The following CRISP1 variants were observed in gnomAD, a reference collection of about 807,000 sequenced individuals.
CRISP1 encodes cysteine-rich secretory protein 1.
In CRISP1, 44 loss-of-function variants were observed where a neutral mutation model predicts 33.1. The observed-to-expected ratio is 1.33, with a 90% CI of 1.05 to 1.71. The LOEUF (loss-of-function observed/expected upper bound fraction) is 1.71, where lower values mean the gene tolerates loss of function less well. CRISP1 is among the 40% of genes most tolerant of loss of function. CRISP1 has a pLI of 0.00. For synonymous variants in CRISP1, 103 were observed against 98.7 expected, an observed-to-expected ratio of 1.04 and a Z score of -0.26; for missense variants, 390 against 301.2, an observed-to-expected ratio of 1.29 and a Z score of -2.18.
intron 3 of CRISP1, among the ~76,000 whole-genome samples, chr6:49,849,343 C>T (rs534186273): frequency 1.3e-5 from 2 of 152,278 alleles, no homozygotes; most frequent in African/African-American, 4.8e-5. Context: ...CACACCTGGT[C>T]AAGGAGACAC....
At chr6:49,870,940 A>C (rs1201652783), upstream of CRISP1, among the ~76,000 whole-genome samples, 3 of 152,130 alleles carry the variant, frequency 2.0e-5, no homozygotes, top group South Asian at 2.1e-4. Context: ...ATGCCTACTA[A>C]AAATACAAAA....
chr6:49,844,401 G>A (rs1429516065), intron 5 of CRISP1, among the ~76,000 whole-genome samples: 1 of 152,144 alleles, frequency 6.6e-6, no homozygotes, highest in Non-Finnish European at 1.5e-5. Flanking sequence ...CAAGAAAAGG[G>A]AAGAATGACT....
intron 7 of CRISP1, among the ~76,000 whole-genome samples, chr6:49,837,459 C>T (rs1326010615): frequency 4.7e-5 from 7 of 149,532 alleles, no homozygotes; most frequent in South Asian, 2.1e-4. Flanking sequence ...TTTTTTTTCC[C>T]GGTGGGGAGG....
Position 49,848,194 on chromosome 6 carries a change from T to C in CRISP1, c.286+15A>G, listed in dbSNP as rs1358064788. ...TTTTTTAGTCCAAAGGCGGGTCATA[T>C]AGATACACACTTACTTGGAAGTCTC... On this transcript the variant is annotated intron_variant, in intron 4 of 7. Coordinates refer to ENST00000335847, the MANE Select transcript of CRISP1 (RefSeq NM_001131.3). The C allele has an allele frequency of 6.8e-7, 1 of 1,478,676 alleles. No individual in the cohort carries two copies. The highest frequency in any genetic ancestry group is 2.1e-5 in the Admixed American group (1 of 48,702). 91.6% of individuals were successfully genotyped at this position (1,478,676 alleles called of 1,614,324 possible).
intron 6 of CRISP1, among the ~76,000 whole-genome samples, chr6:49,838,817 C>A (rs1333509014): frequency 6.6e-6 from 1 of 152,054 alleles, no homozygotes; most frequent in Non-Finnish European, 1.5e-5. Context: ...CAAGTACAAG[C>A]AAGGGGACTC....
At chr6:49,862,594 T>C (rs1315802913) in intron 1 of CRISP1, among the ~76,000 whole-genome samples, 3 of 152,244 alleles carry the variant, frequency 2.0e-5, no homozygotes, top group African/African-American at 7.2e-5. Context: ...TATTATGATC[T>C]CTTGAGAATG....
intron 1 of CRISP1, among the ~76,000 whole-genome samples, chr6:49,874,395 A>C (rs1187746489): frequency 2.6e-5 from 4 of 152,130 alleles, no homozygotes; most frequent in African/African-American, 9.7e-5. Flanking sequence ...GTTCTTCCAG[A>C]GAAGTTCAAA....
Position 49,835,181 on chromosome 6 carries a change from TG to T in CRISP1, c.*134del. ...AGTGTTACTTCAGGATGTATCAGGA[TG>T]GGAGTTAAGGTCTCCAGCATGATTA... On this transcript the variant is annotated 3_prime_UTR_variant, in exon 8 of 8. Transcript: ENST00000335847. 2 of 884,988 alleles carry T rather than the reference TG, an allele frequency of 2.3e-6. No homozygotes were observed. The highest frequency in any genetic ancestry group is 3.4e-6 in the Non-Finnish European group (2 of 592,552). The allele number at this position is 884,988 out of a possible 1,614,324, so 54.8% of individuals were successfully genotyped here.
chr6:49,849,198 G>T (rs930053579), intron 3 of CRISP1, among the ~76,000 whole-genome samples: 2 of 152,112 alleles, frequency 1.3e-5, no homozygotes, highest in Non-Finnish European at 2.9e-5. Flanking sequence ...TCCTATCATT[G>T]TGGTGTATAT....
chr6:49,855,091 C>A (rs948218168), intron 2 of CRISP1, among the ~76,000 whole-genome samples: 5 of 152,072 alleles, frequency 3.3e-5, no homozygotes, highest in Non-Finnish European at 7.4e-5. Context: ...AATACTCTTT[C>A]TTTTGGTGTA....
chr6:49,861,850 G>A (rs974814461), intron 1 of CRISP1, among the ~76,000 whole-genome samples: 56 of 151,498 alleles, frequency 3.7e-4, no homozygotes, highest in African/African-American at 1.0e-3. Context: ...ATGCCATTGC[G>A]CTCAAGCCTG....
chr6:49,840,095 GA>G (rs1770934741), intron 6 of CRISP1, among the ~76,000 whole-genome samples: 1 of 152,180 alleles, frequency 6.6e-6, no homozygotes, highest in African/African-American at 2.4e-5. Context: ...TGGCGTCACT[GA>G]CTTTTATCAG....
intron 2 of CRISP1, among the ~76,000 whole-genome samples, chr6:49,854,711 C>A (rs982502043): frequency 6.6e-6 from 1 of 152,168 alleles, no homozygotes; most frequent in African/African-American, 2.4e-5. Context: ...TACCTCCCTC[C>A]ATTTTTTTCA....
intron 3 of CRISP1, among the ~76,000 whole-genome samples, chr6:49,849,708 G>A (rs62404911): frequency 0.097 from 14,719 of 152,122 alleles, 993 homozygotes; most frequent in Non-Finnish European, 0.15. Flanking sequence ...CTCATTTTCA[G>A]TGTCGTCCTG....
At chr6:49,863,284 T>C (rs981920107) in intron 1 of CRISP1, among the ~76,000 whole-genome samples, 3 of 152,140 alleles carry the variant, frequency 2.0e-5, no homozygotes, top group Non-Finnish European at 2.9e-5. Context: ...ACTTATCTTA[T>C]CCCAATGTTC....
chr6:49,861,586 T>A (rs1214148070), intron 1 of CRISP1, among the ~76,000 whole-genome samples: 1 of 151,966 alleles, frequency 6.6e-6, no homozygotes, highest in Non-Finnish European at 1.5e-5. Flanking sequence ...AACTAAGAAT[T>A]GAAAGAACCT....
At chr6:49,835,528 A>C in intron 7 of CRISP1, 85 bp from the exon 8 acceptor site, 1 of 1,370,432 alleles carries the variant, frequency 7.3e-7, no homozygotes, top group Non-Finnish European at 9.9e-7. Flanking sequence ...TAAAGACAAA[A>C]AGAGAAATTT....
At chr6:49,855,794 G>T (rs933024237) in intron 2 of CRISP1, among the ~76,000 whole-genome samples, 5 of 152,066 alleles carry the variant, frequency 3.3e-5, no homozygotes, top group Admixed American at 3.3e-4. Context: ...TATGATTCAG[G>T]TCTGGTGGTT....
chr6:49,857,199 A>G (rs549590933), intron 2 of CRISP1, 136 bp downstream of exon 2: 1 of 717,148 alleles, frequency 1.4e-6, no homozygotes, highest in South Asian at 1.9e-5. Flanking sequence ...CTTGCCTAAC[A>G]GGGCTATTGT....
Sources: gnomAD v4.1 joint callset for allele counts (sites outside exome capture counted in the v4.1 genomes callset) on GRCh38, gnomAD v4.1.1 for gene constraint, MANE v1.5 for transcripts, NCBI Gene and HGNC (gene_info 2026-07-23, HGNC 2026-07-21) for gene names.